CCDC88A: variants seen among roughly 807,000 people sequenced by gnomAD.
CCDC88A encodes the protein coiled-coil and HOOK domain protein 88A.
In CCDC88A, 54 loss-of-function variants were observed where a neutral mutation model predicts 234.3. The observed-to-expected ratio is 0.23, with a 90% CI of 0.19 to 0.29. The LOEUF is 0.29. Ranked by LOEUF, CCDC88A falls within the 10% of genes least tolerant of loss-of-function variation. The pLI, the probability that CCDC88A is intolerant of heterozygous loss-of-function variation, is 1.00. For missense variants in CCDC88A, 1,832 were observed against 2,123.4 expected (o/e 0.86, Z 2.70); for synonymous variants, 753 against 737.8 (o/e 1.02, Z -0.33).
In CCDC88A at chr2:55,339,516, T is replaced by A. The variant is rs745899316; in HGVS notation, c.1466A>T (p.Asn489Ile). The A allele has an allele frequency of 2.5e-6, 4 of 1,605,480 alleles. No homozygotes were observed. The highest frequency in any genetic ancestry group is 3.4e-6 in the Non-Finnish European group (4 of 1,177,436). The change falls in exon 13 of 33, where the codon AAT becomes ATT. Residue 489 changes from asparagine (N) to isoleucine (I), a missense_variant. Asn to Ile is a moderately radical substitution (Grantham distance 149). Around this residue, in one of 6 missense-constraint regions of CCDC88A, gnomAD observed 1,282 missense variants for 1,543.6 expected, o/e 0.83. Transcript: ENST00000436346. The part of the protein sequence containing the change: ...LRTTVDSVEG[N>I]ASKILKMEKE... ...TTCCATTTTCAGGATTTTGGAAGCA[T>A]TGCCTTCTACAGAATCCACAGTAGT... is the stretch of plus-strand genomic sequence containing the variant.
intron 31 of CCDC88A, 107 bp downstream of exon 31, chr2:55,295,490 T>C (rs773784899): frequency 1.9e-6 from 3 of 1,597,662 alleles, no homozygotes; most frequent in East Asian, 2.2e-5. Flanking sequence ...CCTGGGCATA[T>C]AGAGGCTCAG....
chr2:55,413,264 G>A (rs1222325011), intron 2 of CCDC88A, among the ~76,000 whole-genome samples: 2 of 152,058 alleles, frequency 1.3e-5, no homozygotes, highest in Non-Finnish European at 2.9e-5. Flanking sequence ...TTTACTTGAG[G>A]AGCCATAAGT....
chr2:55,297,340 T>TA (rs1385774941), intron 29 of CCDC88A, among the ~76,000 whole-genome samples: 5 of 36,842 alleles, frequency 1.4e-4, no homozygotes, highest in South Asian at 6.4e-4. Flanking sequence ...ATATATAAAT[T>TA]TATATATTAT....
rs114310980 is a variant in CCDC88A at position 55,411,011 on chromosome 2, A to C, written c.164+7805T>G. On this transcript the variant is annotated intron_variant, in intron 2 of 32. Coordinates refer to ENST00000436346, the MANE Select transcript of CCDC88A (RefSeq NM_001365480.1). ...AGTTTCAATAACTAGCTAAATATTA[A>C]ATGATTGATTCAGGATTTAAACTTT... 5.4e-3 allele frequency among the ~76,000 whole-genome samples: 816 copies of C among 152,306 alleles called. 2 individuals carry two copies. The highest frequency in any genetic ancestry group is 0.02 in the Middle Eastern group (6 of 294).
intron 6 of CCDC88A, 67 bp from the exon 7 acceptor site, chr2:55,362,515 AG>A: frequency 7.4e-7 from 1 of 1,360,200 alleles, no homozygotes. Context: ...ATTTCACTAT[AG>A]TACAATATTA....
At chr2:55,296,139 A>C (rs551323454) in intron 30 of CCDC88A, 83 bp from the exon 31 acceptor site, 68 of 1,330,518 alleles carry the variant, frequency 5.1e-5, no homozygotes, top group Admixed American at 7.6e-5. Flanking sequence ...GTGCAATATA[A>C]AATTGTGGTA....
chr2:55,417,645 G>C (rs906778039), intron 2 of CCDC88A: 2 of 151,826 alleles, frequency 1.3e-5, no homozygotes, highest in Non-Finnish European at 2.9e-5. Context: ...ATGTATAATA[G>C]TATAATACTT....
chr2:55,295,942 T>C lies in CCDC88A; in HGVS notation c.5206A>G (p.Ser1736Gly). Reference sequence around the variant, plus strand: ...TAGAAGTCCCCTGGGGTTTTTCCACTTACTGACCTGGCCAGACCACAGCTA... The same window carrying C: ...TAGAAGTCCCCTGGGGTTTTTCCACCTACTGACCTGGCCAGACCACAGCTA... Reference protein sequence around the residue: ...PVSCGLARSVSGKTPGDFYDR... With the variant: ...PVSCGLARSVGGKTPGDFYDR... The change falls in exon 31 of 33, where the codon AGT becomes GGT. Residue 1736 changes from serine (S) to glycine (G), a missense_variant. Coordinates refer to ENST00000436346, the MANE Select transcript of CCDC88A (RefSeq NM_001365480.1). 6.2e-7 allele frequency: 1 copy of C among 1,614,134 alleles called. No homozygotes were observed. Among genetic ancestry groups the C allele is most frequent in the Non-Finnish European group, 8.5e-7 (1 of 1,180,014 alleles).
At chr2:55,313,554 G>A (rs999369581) in intron 22 of CCDC88A, 1 of 152,224 alleles carries the variant, frequency 6.6e-6, no homozygotes, top group South Asian at 2.1e-4. Flanking sequence ...AGCTAGGCCA[G>A]AGGTTCAAAC....
At chr2:55,296,749 A>G (rs866974440) in intron 29 of CCDC88A, 5 of 542,828 alleles carry the variant, frequency 9.2e-6, no homozygotes, top group East Asian at 6.3e-5. Flanking sequence ...TGTAAGCTCC[A>G]TAAGGGCAAA....
At chr2:55,349,632 T>A in intron 8 of CCDC88A, 33 bp from the exon 9 acceptor site, 1 of 1,468,358 alleles carries the variant, frequency 6.8e-7, no homozygotes, top group Non-Finnish European at 9.4e-7. Context: ...TTAAGTATAC[T>A]ATTTTTGAAA....
At chr2:55,351,854 TG>T (rs1396450562) in intron 8 of CCDC88A, among the ~76,000 whole-genome samples, 1 of 152,146 alleles carries the variant, frequency 6.6e-6, no homozygotes, top group Non-Finnish European at 1.5e-5. Context: ...CTAATCAAAA[TG>T]CGGTATATCC....
At chr2:55,416,236 G>C (rs1340333797) in intron 2 of CCDC88A, among the ~76,000 whole-genome samples, 1 of 151,416 alleles carries the variant, frequency 6.6e-6, no homozygotes, top group East Asian at 1.9e-4. Context: ...GAAAAATATG[G>C]TGGGTGGGAT....
chr2:55,294,423 CTT>C lies in CCDC88A; in HGVS notation c.5551+1172_5551+1173del, dbSNP rs1336724628. The C allele has an allele frequency of 5.6e-6, 5 of 894,676 alleles. No homozygotes were observed. The African/African-American group carries it at 9.1e-5, about 16-fold the overall frequency. The allele number at this position is 894,676 out of a possible 1,614,324, so 55.4% of individuals were successfully genotyped here. A position where few individuals can be genotyped will look rare whatever the true frequency, so the allele number is the denominator to read the frequency against. Reference sequence around the variant, plus strand: ...CACTAAGTTTATAAGTATTAACAATCTTTTAAATCTGAAAAATGTTTTATAAA... The same window carrying C: ...CACTAAGTTTATAAGTATTAACAATCTTAAATCTGAAAAATGTTTTATAAA... On this transcript the variant is annotated intron_variant, in intron 31 of 32. Transcript: ENST00000436346.
chr2:55,374,610 T>C (rs1374100475), intron 4 of CCDC88A, among the ~76,000 whole-genome samples: 1 of 152,208 alleles, frequency 6.6e-6, no homozygotes, highest in East Asian at 1.9e-4. Context: ...ATACTGAATT[T>C]AATGTAAAAT....
rs1404825328 is a variant in CCDC88A at position 55,288,165 on chromosome 2, G to T, written c.*3035C>A. The T allele has an allele frequency of 2.0e-5, 3 of 152,678 alleles. No individual in the cohort carries two copies. The East Asian group carries it at 5.8e-4, about 29-fold the overall frequency. The allele number at this position is 152,678 out of a possible 1,614,324, so 9.5% of individuals were successfully genotyped here. A position where few individuals can be genotyped will look rare whatever the true frequency, so the allele number is the denominator to read the frequency against. On this transcript the variant is annotated 3_prime_UTR_variant, in exon 33 of 33. Transcript: ENST00000436346. ...GAAAAAGAAAACCCTTAATAGAAAA[G>T]AAAAAGACAATTTAAAATTAGATTT...
chr2:55,317,400 T>G lies in CCDC88A; in HGVS notation c.3603-51A>C. The G allele has an allele frequency of 7.4e-7, 1 of 1,353,484 alleles. No homozygotes were observed. Among genetic ancestry groups the G allele is most frequent in the Non-Finnish European group, 9.8e-7 (1 of 1,022,198 alleles). 83.8% of individuals were successfully genotyped at this position (1,353,484 alleles called of 1,614,324 possible). ...TATAATATTTACAAAAAAGAAATTT[T>G]AGAAATGAAGGAAATGAGTAATGAG... On this transcript the variant is annotated intron_variant, in intron 20 of 32. Coordinates refer to ENST00000436346, the MANE Select transcript of CCDC88A (RefSeq NM_001365480.1). The surrounding 1 kb of genome is among the most constrained non-coding windows in gnomAD (Gnocchi z 4.2).
chr2:55,401,170 C>T (rs185989642), intron 2 of CCDC88A, among the ~76,000 whole-genome samples: 139 of 151,484 alleles, frequency 9.2e-4, no homozygotes, highest in Admixed American at 3.1e-3. Context: ...TGGCTCATAC[C>T]CATAATCCCA....
rs976482352 is a variant in CCDC88A, at chr2:55,290,351, A to G, written c.*849T>C. The G allele has an allele frequency of 3.3e-5, 5 of 152,078 alleles. No individual in the cohort carries two copies. The highest frequency in any genetic ancestry group is 5.9e-5 in the Non-Finnish European group (4 of 67,928). The allele number at this position is 152,078 out of a possible 1,614,324, so 9.4% of individuals were successfully genotyped here. A position where few individuals can be genotyped will look rare whatever the true frequency, so the allele number is the denominator to read the frequency against. On this transcript the variant is annotated 3_prime_UTR_variant, in exon 33 of 33. Transcript: ENST00000436346. ...GTCAGCTCTCAAGTTAAAAAAATGC[A>G]CACGCATACATAACCCAATACCAAA...
Sources: gnomAD v4.1 joint callset for allele counts (sites outside exome capture counted in the v4.1 genomes callset) on GRCh38, gnomAD v4.1.1 for gene constraint, gnomAD v4.1.1 regional missense constraint, Gnocchi (gnomAD v3.1) non-coding constraint, MANE v1.5 for transcripts, NCBI Gene and HGNC (gene_info 2026-07-23, HGNC 2026-07-21) for gene names.